The following ELL variants were observed in gnomAD, a reference collection of about 807,000 sequenced individuals.
The protein encoded by ELL is elongation factor for RNA polymerase II.
In ELL, 18 loss-of-function variants were observed where a neutral mutation model predicts 64.0. That is an observed-to-expected ratio of 0.28 (90% CI 0.19 to 0.42). The LOEUF (loss-of-function observed/expected upper bound fraction) is 0.42, where lower values mean the gene tolerates loss of function less well. Among genes scored for constraint, ELL ranks in the 10% least tolerant of loss-of-function variants. The pLI, the probability that ELL is intolerant of heterozygous loss-of-function variation, is 1.00. For synonymous variants in ELL, 399 were observed against 376.2 expected (o/e 1.06, Z -0.70); for missense variants, 797 against 870.4 (o/e 0.92, Z 1.06).
intron 2 of ELL, among the ~76,000 whole-genome samples, chr19:18,471,783 T>C (rs1401988918): frequency 6.6e-6 from 1 of 152,174 alleles, no homozygotes; most frequent in Non-Finnish European, 1.5e-5. Flanking sequence ...CATTCCCTGA[T>C]TTTTCTATAA....
At chr19:18,470,595 G>A (rs551943003) in intron 2 of ELL, among the ~76,000 whole-genome samples, 16 of 152,396 alleles carry the variant, frequency 1.0e-4, no homozygotes, top group African/African-American at 3.6e-4. Flanking sequence ...CAACTGGCTA[G>A]GCTGCAGCCC....
At chr19:18,460,641 G>A (rs1377091396) in intron 5 of ELL, among the ~76,000 whole-genome samples, 1 of 152,232 alleles carries the variant, frequency 6.6e-6, no homozygotes, top group Non-Finnish European at 1.5e-5. Flanking sequence ...CGAGAGGGAC[G>A]CCTATGAGGA....
At position 18,450,789 on chromosome 19, in the gene ELL, G is replaced by A. The variant is rs754682199; in HGVS notation, c.1153C>T (p.Pro385Ser). Reference sequence around the variant, plus strand: ...GCCCTCGGGGGCTCCAGCCGCGGGGGCAGGTGAGTGCTGGAGCTGAGGGTG... The same window carrying A: ...GCCCTCGGGGGCTCCAGCCGCGGGGACAGGTGAGTGCTGGAGCTGAGGGTG... ...TDTLSSSTHL[P>S]PRLEPPRAHD... The change falls in exon 8 of 12, where the codon CCC becomes TCC. Residue 385 changes from proline to serine, a missense_variant. By Grantham distance (74) the Pro-to-Ser change is moderately conservative (BLOSUM62 -1). Transcript: ENST00000262809. The A allele has an allele frequency of 2.5e-6, 4 of 1,581,296 alleles. No homozygotes were observed. Among genetic ancestry groups the A allele is most frequent in the Non-Finnish European group, 3.4e-6 (4 of 1,163,682 alleles).
intron 1 of ELL, among the ~76,000 whole-genome samples, chr19:18,476,759 A>G (rs928156989): frequency 6.6e-6 from 1 of 152,088 alleles, no homozygotes; most frequent in African/African-American, 2.4e-5. Context: ...TCTGGCTCAC[A>G]CTGTATCCCC....
chr19:18,503,107 C>T (rs17211813), intron 1 of ELL, among the ~76,000 whole-genome samples: 12,075 of 152,290 alleles, frequency 0.079, 693 homozygotes, highest in Non-Finnish European at 0.12. Context: ...AAAACAGGAA[C>T]CTGGCTTAAA....
intron 1 of ELL, among the ~76,000 whole-genome samples, chr19:18,515,586 C>T (rs1600510520): frequency 6.6e-6 from 1 of 152,322 alleles, no homozygotes; most frequent in East Asian, 1.9e-4. Context: ...CCAGCACTGG[C>T]GGGGTGGGGC....
chr19:18,461,967 C>G, intron 4 of ELL, 115 bp from the exon 5 acceptor site: 1 of 1,302,826 alleles, frequency 7.7e-7, no homozygotes, highest in Non-Finnish European at 1.0e-6. Flanking sequence ...GTGGGAGGCA[C>G]CACACCAACC....
At chr19:18,516,239 A>G (rs1976125487) in intron 1 of ELL, among the ~76,000 whole-genome samples, 1 of 152,100 alleles carries the variant, frequency 6.6e-6, no homozygotes, top group Non-Finnish European at 1.5e-5. Flanking sequence ...GCACAGCTCC[A>G]GGGCCACCCA....
intron 10 of ELL, chr19:18,446,059 G>A: frequency 1.9e-6 from 1 of 520,412 alleles, no homozygotes. Flanking sequence ...CATCCAAGGA[G>A]GTGGGTCACA....
At chr19:18,519,704 G>A (rs1251048908) in intron 1 of ELL, among the ~76,000 whole-genome samples, 2 of 151,964 alleles carry the variant, frequency 1.3e-5, no homozygotes, top group African/African-American at 4.8e-5. Context: ...CTACTCGGGA[G>A]GCTGAGGCAG....
chr19:18,444,035 C>T lies in ELL; in HGVS notation c.*717G>A, dbSNP rs887675302. 11 of 232,086 alleles carry T rather than the reference C, an allele frequency of 4.7e-5. No individual in the cohort carries two copies. Among genetic ancestry groups the T allele is most frequent in the South Asian group, 1.8e-4 (1 of 5,526 alleles). 14.4% of individuals were successfully genotyped at this position (232,086 alleles called of 1,614,324 possible). Reference sequence around the variant, plus strand: ...CAGCTGAGGGCCTGAAATAGCAGGGCAGGCCTGGGGGCGCTGAAAGCCCTC... The same window carrying T: ...CAGCTGAGGGCCTGAAATAGCAGGGTAGGCCTGGGGGCGCTGAAAGCCCTC... On this transcript the variant is annotated 3_prime_UTR_variant, in exon 12 of 12. Transcript: ENST00000262809.
chr19:18,474,685 G>A (rs1291917366), intron 1 of ELL, among the ~76,000 whole-genome samples: 2 of 152,230 alleles, frequency 1.3e-5, no homozygotes, highest in Non-Finnish European at 2.9e-5. Context: ...TGCGACAAGG[G>A]GGGCTCGTCT....
chr19:18,476,958 C>A (rs939557094), intron 1 of ELL, among the ~76,000 whole-genome samples: 2 of 152,158 alleles, frequency 1.3e-5, no homozygotes, highest in African/African-American at 4.8e-5. Flanking sequence ...CATAAGAACG[C>A]CATGTGGTAT....
At chr19:18,474,891 G>C (rs973029116) in intron 1 of ELL, among the ~76,000 whole-genome samples, 1 of 152,232 alleles carries the variant, frequency 6.6e-6, no homozygotes, top group African/African-American at 2.4e-5. Flanking sequence ...GGGAGGCCGA[G>C]GTGGGCAGAT....
rs58410315 is a variant in ELL at position 18,443,567 on chromosome 19, C to T, written c.*1185G>A. The stretch of plus-strand genomic sequence containing the variant: ...CACACGCCTCAGACCCCACCATGCC[C>T]TGGGGGGTCCCCACATACGCACACT... On this transcript the variant is annotated 3_prime_UTR_variant, in exon 12 of 12. Transcript: ENST00000262809. The T allele has an allele frequency of 0.019, 4,431 of 233,506 alleles. 114 individuals are homozygous for T. The highest frequency in any genetic ancestry group is 0.067 in the African/African-American group (3,036 of 45,448). The allele number at this position is 233,506 out of a possible 1,614,324, so 14.5% of individuals were successfully genotyped here.
Position 18,450,913 on chromosome 19 carries a change from G to C in ELL, c.1029C>G (p.His343Gln), listed in dbSNP as rs776761867. 4 of 1,550,092 alleles carry C rather than the reference G, an allele frequency of 2.6e-6. No individual in the cohort carries two copies. Among genetic ancestry groups the C allele is most frequent in the Non-Finnish European group, 3.5e-6 (4 of 1,148,792 alleles). ...PLANKKPRIS[H>Q]FTQRAQPAVN... is the part of the protein sequence containing the mutation. ...CGGCAGGCTGAGCTCTCTGAGTGAA[G>C]TGCGATATCCGGGGTTTCTTGTTGG... is the stretch of plus-strand genomic sequence containing the variant. Residue 343 changes from histidine (H) to glutamine (Q), a missense_variant, in exon 8 of 12, where the codon CAC becomes CAG. Coordinates refer to ENST00000262809, the MANE Select transcript of ELL (RefSeq NM_006532.4).
chr19:18,472,469 A>G, intron 2 of ELL: 1 of 268,238 alleles, frequency 3.7e-6, no homozygotes. Context: ...GGCAGAGCTC[A>G]GGTGGTCGTG....
chr19:18,485,536 A>G (rs984296224), intron 1 of ELL, among the ~76,000 whole-genome samples: 1 of 151,848 alleles, frequency 6.6e-6, no homozygotes, highest in East Asian at 1.9e-4. Context: ...GGCCAGGGAG[A>G]CCAGGGAGAC....
At chr19:18,466,025 G>A (rs1600451689) in intron 2 of ELL, 107 bp from the exon 3 acceptor site, 2 of 1,121,900 alleles carry the variant, frequency 1.8e-6, no homozygotes, top group East Asian at 3.2e-5. Flanking sequence ...CAACAGGAAT[G>A]TGCTGGCCCT....
Sources: allele counts gnomAD v4.1 joint callset (sites outside exome capture counted in the v4.1 genomes callset), GRCh38; gene constraint gnomAD v4.1.1; transcripts MANE v1.5; gene names NCBI Gene and HGNC (gene_info 2026-07-23, HGNC 2026-07-21).